C1orf87: variants seen among roughly 807,000 people sequenced by gnomAD.
C1orf87 encodes uncharacterized protein C1orf87.
Under a neutral mutation model 60.5 loss-of-function variants are expected in C1orf87, and 58 were observed. The observed-to-expected ratio is 0.96, with a 90% CI of 0.78 to 1.19. C1orf87 has a LOEUF of 1.19. C1orf87 is among the 50% of genes most tolerant of loss of function. C1orf87 has a pLI of 0.00. For synonymous variants in C1orf87, 236 were observed against 227.4 expected (o/e 1.04, Z -0.34); for missense variants, 673 against 638.6 (o/e 1.05, Z -0.58).
At chr1:60,014,204 G>A (rs756115734) in intron 8 of C1orf87, among the ~76,000 whole-genome samples, 2 of 152,014 alleles carry the variant, frequency 1.3e-5, no homozygotes, top group African/African-American at 2.4e-5. Context: ...AGAGTGCTCG[G>A]GCTGCACAAT....
chr1:60,042,383 A>G (rs1379087478), intron 3 of C1orf87, among the ~76,000 whole-genome samples: 1 of 152,170 alleles, frequency 6.6e-6, no homozygotes, highest in Non-Finnish European at 1.5e-5. Flanking sequence ...TTTTAATACC[A>G]GGTAATAGAA....
At chr1:60,060,860 C>A (rs1260573827) in intron 2 of C1orf87, among the ~76,000 whole-genome samples, 1 of 152,136 alleles carries the variant, frequency 6.6e-6, no homozygotes, top group African/African-American at 2.4e-5. Context: ...AGTCTGGAGC[C>A]AATGTTTATT....
At chr1:60,059,198 T>G (rs1645477748) in intron 2 of C1orf87, among the ~76,000 whole-genome samples, 1 of 152,214 alleles carries the variant, frequency 6.6e-6, no homozygotes, top group African/African-American at 2.4e-5. Flanking sequence ...GTTGTTATGT[T>G]GTTCACAAAC....
chr1:60,029,174 G>A (rs1280861609), intron 7 of C1orf87, among the ~76,000 whole-genome samples: 1 of 152,002 alleles, frequency 6.6e-6, no homozygotes, highest in Non-Finnish European at 1.5e-5. Context: ...AGAACCTTGG[G>A]AGTCATTCTA....
intron 7 of C1orf87, among the ~76,000 whole-genome samples, chr1:60,031,356 C>T (rs928092450): frequency 6.6e-5 from 10 of 152,148 alleles, no homozygotes; most frequent in Admixed American, 2.6e-4. Context: ...AGATGGCTCA[C>T]GAAAGGCAGA....
intron 9 of C1orf87, among the ~76,000 whole-genome samples, chr1:60,006,387 C>T (rs761205492): frequency 6.6e-6 from 1 of 152,074 alleles, no homozygotes; most frequent in Non-Finnish European, 1.5e-5. Flanking sequence ...CTTTTCTTTC[C>T]CTTCAACAGA....
chr1:60,003,044 C>T (rs1645018385), intron 9 of C1orf87, among the ~76,000 whole-genome samples: 1 of 150,596 alleles, frequency 6.6e-6, no homozygotes, highest in African/African-American at 2.4e-5. Context: ...TGGCATTATT[C>T]ACAATAGCAA....
chr1:59,995,341 C>T (rs1644956204), intron 11 of C1orf87, among the ~76,000 whole-genome samples: 1 of 152,164 alleles, frequency 6.6e-6, no homozygotes, highest in Non-Finnish European at 1.5e-5. Context: ...TTTTCATCTC[C>T]TTCTCTCCAG....
intron 11 of C1orf87, among the ~76,000 whole-genome samples, chr1:59,996,257 T>C (rs1389035184): frequency 6.6e-6 from 1 of 152,214 alleles, no homozygotes; most frequent in Non-Finnish European, 1.5e-5. Flanking sequence ...CAACTCTTCA[T>C]GAACCACAGT....
At chr1:60,016,658 A>T (rs1264582119) in intron 8 of C1orf87, among the ~76,000 whole-genome samples, 1 of 152,282 alleles carries the variant, frequency 6.6e-6, no homozygotes, top group East Asian at 1.9e-4. Context: ...GCCAGCTAGG[A>T]CTCATGCTGG....
intron 3 of C1orf87, among the ~76,000 whole-genome samples, chr1:60,048,471 A>T (rs1315361020): frequency 6.6e-6 from 1 of 152,206 alleles, no homozygotes; most frequent in Non-Finnish European, 1.5e-5. Context: ...ATGTTTATTG[A>T]TTTGAGTGAC....
chr1:60,064,631 A>AATATATATG lies in C1orf87; in HGVS notation c.107+7897_107+7905dup, dbSNP rs1553129972. On this transcript the variant is annotated intron_variant, in intron 2 of 11. Transcript: ENST00000371201. ...ATATATAAAATATATCATATATATAAATATATATGATATATTTTATATATT... is the reference window on the plus strand; with the variant it reads ...ATATATAAAATATATCATATATATAAATATATATGATATATATGATATATTTTATATATT... 2.7e-3 allele frequency among the ~76,000 whole-genome samples: 284 copies of AATATATATG among 106,528 alleles called. 2 individuals carry two copies. Among genetic ancestry groups the AATATATATG allele is most frequent in the African/African-American group, 0.01 (271 of 26,946 alleles). The allele number at this position is 106,528 out of a possible 152,430, so 69.9% of individuals were successfully genotyped here.
At chr1:60,029,621 TC>T (rs1253678817) in intron 7 of C1orf87, among the ~76,000 whole-genome samples, 1 of 142,156 alleles carries the variant, frequency 7.0e-6, no homozygotes, top group African/African-American at 2.6e-5. Flanking sequence ...TCCCATCTCT[TC>T]CCCTGTCCCC....
intron 3 of C1orf87, among the ~76,000 whole-genome samples, chr1:60,047,760 A>G (rs1645383967): frequency 6.6e-6 from 1 of 150,960 alleles, no homozygotes; most frequent in Non-Finnish European, 1.5e-5. Flanking sequence ...AACCATCAGG[A>G]TAGTGACTCA....
chr1:59,997,483 A>T, intron 11 of C1orf87, 126 bp downstream of exon 11: 1 of 810,568 alleles, frequency 1.2e-6, no homozygotes, highest in Admixed American at 2.6e-5. Context: ...TGCTCAGCAC[A>T]TTGCAGGGCA....
chr1:60,061,817 G>A (rs1184767174), intron 2 of C1orf87, among the ~76,000 whole-genome samples: 2 of 144,594 alleles, frequency 1.4e-5, no homozygotes, highest in Admixed American at 7.0e-5. Context: ...TGGGCTTTGT[G>A]GTGCACACCT....
intron 11 of C1orf87, among the ~76,000 whole-genome samples, chr1:59,995,053 G>A (rs1644954061): frequency 6.6e-6 from 1 of 152,132 alleles, no homozygotes; most frequent in Non-Finnish European, 1.5e-5. Context: ...CATAAATAGT[G>A]AAGAGGCCAT....
At chr1:60,022,529 T>C (rs967564764) in intron 8 of C1orf87, among the ~76,000 whole-genome samples, 10 of 152,154 alleles carry the variant, frequency 6.6e-5, no homozygotes, top group Non-Finnish European at 1.5e-4. Flanking sequence ...AGACCCATCG[T>C]GGATGCCTGA....
At chr1:60,003,791 A>G (rs1034562570) in intron 9 of C1orf87, among the ~76,000 whole-genome samples, 1 of 152,080 alleles carries the variant, frequency 6.6e-6, no homozygotes, top group South Asian at 2.1e-4. Flanking sequence ...CGTAGTTTGA[A>G]AAATAAAGTC....
Sources: gnomAD v4.1 joint callset for allele counts (sites outside exome capture counted in the v4.1 genomes callset) on GRCh38, gnomAD v4.1.1 for gene constraint, MANE v1.5 for transcripts, NCBI Gene and HGNC (gene_info 2026-07-23, HGNC 2026-07-21) for gene names.